Variants in COLEC10 observed in about 807,000 individuals in gnomAD.
COLEC10 encodes collectin-10.
A neutral mutation model predicts 28.4 loss-of-function variants in COLEC10; 22 were observed. The ratio of observed to expected loss-of-function variants is 0.78; its 90% CI spans 0.55 to 1.11. The LOEUF (loss-of-function observed/expected upper bound fraction) is 1.11. Among genes scored for constraint, COLEC10 ranks in the 50% least tolerant of loss-of-function variants. The pLI, the probability that COLEC10 is intolerant of heterozygous loss-of-function variation, is 0.00. For synonymous variants in COLEC10, 125 were observed against 116.1 expected, an observed-to-expected ratio of 1.08 and a Z score of -0.49; for missense variants, 361 against 344.1, an observed-to-expected ratio of 1.05 and a Z score of -0.39.
exon 2 of COLEC10, chr8:119,009,450 TC>T (rs1033600244): frequency 1.3e-5 from 2 of 150,624 alleles, no homozygotes; most frequent in African/African-American, 5.0e-5. Context: ...GGTGCTTGCT[TC>T]CTTTTCTGCT....
intron 2 of COLEC10, among the ~76,000 whole-genome samples, chr8:119,020,911 A>G (rs1435287404): frequency 6.6e-6 from 1 of 152,162 alleles, no homozygotes; most frequent in Non-Finnish European, 1.5e-5. Context: ...ATACACATGA[A>G]TTTCATGCTG....
intron 2 of COLEC10, among the ~76,000 whole-genome samples, chr8:119,045,149 A>C (rs1814565503): frequency 6.6e-6 from 1 of 152,236 alleles, no homozygotes; most frequent in African/African-American, 2.4e-5. Flanking sequence ...GATGAGAAAT[A>C]AGTAACGTAA....
chr8:119,062,251 A>T (rs1366504422), upstream of COLEC10, among the ~76,000 whole-genome samples: 1 of 152,134 alleles, frequency 6.6e-6, no homozygotes, highest in Admixed American at 6.5e-5. Context: ...TTTAGAAGTC[A>T]ATGAGTATCT....
chr8:119,084,688 T>C (rs1190559720), intron 1 of COLEC10, among the ~76,000 whole-genome samples: 1 of 152,226 alleles, frequency 6.6e-6, no homozygotes, highest in Non-Finnish European at 1.5e-5. Context: ...TAGGAGTTTG[T>C]TCTTACCCTT....
the COLEC10 span, among the ~76,000 whole-genome samples, chr8:118,980,016 GAGAT>G: frequency 6.6e-6 from 1 of 151,986 alleles, no homozygotes; most frequent in African/African-American, 2.4e-5. Flanking sequence ...ATCTGAGAGA[GAGAT>G]AGAGCCCAAG....
intron 1 of COLEC10, among the ~76,000 whole-genome samples, chr8:119,006,025 C>A (rs1271462787): frequency 6.6e-6 from 1 of 152,032 alleles, no homozygotes; most frequent in Admixed American, 6.6e-5. Context: ...TTAAAGCTAT[C>A]ATCAGTATCC....
chr8:118,999,589 T>C (rs1254716923), intron 1 of COLEC10, among the ~76,000 whole-genome samples: 1 of 82,612 alleles, frequency 1.2e-5, no homozygotes, highest in African/African-American at 8.6e-5. Flanking sequence ...AGACTCCATC[T>C]CAATAAAAAA....
At chr8:119,055,418 C>A (rs1228705527) in intron 2 of COLEC10, among the ~76,000 whole-genome samples, 1 of 152,016 alleles carries the variant, frequency 6.6e-6, no homozygotes, top group East Asian at 1.9e-4. Context: ...GTACTGTAAA[C>A]CTTTATTTGA....
At chr8:118,962,998 T>C in the COLEC10 span, among the ~76,000 whole-genome samples, 3 of 152,048 alleles carry the variant, frequency 2.0e-5, no homozygotes, top group Non-Finnish European at 1.5e-5. Context: ...AATAATCTAG[T>C]TGGGGAGACA....
chr8:119,070,521 CCTCCCTCCCTCCATCTCTCTCTCCCT>C, intron 1 of COLEC10, among the ~76,000 whole-genome samples: 1 of 69,202 alleles, frequency 1.4e-5, no homozygotes, highest in Non-Finnish European at 2.7e-5. Context: ...CCCCTCCTTC[CCTCCCTCCCTCCATCTCTCTCTCCCT>C]CTCCCTCTCT....
chr8:119,071,853 A>G (rs1815131909), intron 1 of COLEC10, among the ~76,000 whole-genome samples: 1 of 152,226 alleles, frequency 6.6e-6, no homozygotes, highest in Admixed American at 6.5e-5. Context: ...TTGAGGTATT[A>G]ATCTATTAAC....
At chr8:118,993,378 G>A (rs1813536870), upstream of COLEC10, among the ~76,000 whole-genome samples, 1 of 152,112 alleles carries the variant, frequency 6.6e-6, no homozygotes, top group African/African-American at 2.4e-5. Context: ...TTTTGAGCCA[G>A]AGTTTCACTC....
chr8:119,082,132 G>C lies in COLEC10; in HGVS notation c.149-7548G>C, dbSNP rs138204933. Among the ~76,000 whole-genome samples the C allele has an allele frequency of 2.8e-3, 422 of 152,234 alleles. 3 individuals are homozygous for C. The highest frequency in any genetic ancestry group is 9.9e-3 in the African/African-American group (410 of 41,532). On this transcript the variant is annotated intron_variant, in intron 1 of 5. Coordinates refer to ENST00000332843, the MANE Select transcript of COLEC10 (RefSeq NM_006438.5). Reference sequence around the variant, plus strand: ...GAAGCTGATTCGGGTACTGAGCCTTGGAAATTAGAGCATGACTGTAATATT... The same window carrying C: ...GAAGCTGATTCGGGTACTGAGCCTTCGAAATTAGAGCATGACTGTAATATT...
chr8:119,009,964 C>T (rs141088094), intron 2 of COLEC10, among the ~76,000 whole-genome samples: 2 of 150,756 alleles, frequency 1.3e-5, no homozygotes, highest in East Asian at 3.9e-4. Context: ...CAGTCTCTCC[C>T]GCTATCAAAA....
At chr8:118,997,930 C>A (rs992582833) in intron 1 of COLEC10, among the ~76,000 whole-genome samples, 3 of 152,120 alleles carry the variant, frequency 2.0e-5, no homozygotes, top group African/African-American at 4.8e-5. Context: ...GTGGAAACAA[C>A]CTGTTCTATT....
chr8:119,013,969 T>G (rs1813945514), intron 2 of COLEC10, among the ~76,000 whole-genome samples: 1 of 150,788 alleles, frequency 6.6e-6, no homozygotes, highest in South Asian at 2.1e-4. Context: ...AAAATAGTTC[T>G]AATTTCTCCC....
intron 1 of COLEC10, chr8:119,068,241 T>C (rs1815013341): frequency 1.3e-5 from 2 of 152,186 alleles, no homozygotes; most frequent in African/African-American, 2.4e-5. Context: ...AAAAGTGTTT[T>C]TCCAAAAAAC....
the COLEC10 span, among the ~76,000 whole-genome samples, chr8:118,979,167 G>C: frequency 6.6e-6 from 1 of 151,454 alleles, no homozygotes; most frequent in African/African-American, 2.4e-5. Context: ...TTATTATATG[G>C]TATAAAGTAA....
At chr8:118,977,389 G>T in the COLEC10 span, among the ~76,000 whole-genome samples, 1 of 147,588 alleles carries the variant, frequency 6.8e-6, no homozygotes, top group African/African-American at 2.5e-5. Flanking sequence ...AGAAAATGTG[G>T]CACATATACA....
Sources: gnomAD v4.1 joint callset for allele counts (sites outside exome capture counted in the v4.1 genomes callset) on GRCh38, gnomAD v4.1.1 for gene constraint, MANE v1.5 for transcripts, NCBI Gene and HGNC (gene_info 2026-07-23, HGNC 2026-07-21) for gene names.